Variants in PHC3 observed in about 807,000 individuals in gnomAD.
PHC3 encodes the protein polyhomeotic homolog 3.
PHC3 carries 13 observed loss-of-function variants against 107.4 expected under a neutral mutation model. The ratio of observed to expected loss-of-function variants is 0.12; its 90% CI spans 0.08 to 0.19. The LOEUF (loss-of-function observed/expected upper bound fraction) is 0.19, where lower values mean the gene tolerates loss of function less well. Ranked by LOEUF, PHC3 falls within the 10% of genes least tolerant of loss-of-function variation. PHC3 has a pLI of 1.00. For synonymous variants in PHC3, 456 were observed against 427.4 expected (o/e 1.07, Z -0.83); for missense variants, 992 against 1,210.9 (o/e 0.82, Z 2.68).
Position 170,097,451 on chromosome 3 carries a change from TCA to T in PHC3, c.2834-69_2834-68del. 1 of 1,483,226 alleles carries T rather than the reference TCA, an allele frequency of 6.7e-7. No individual in the cohort carries two copies. Among genetic ancestry groups the T allele is most frequent in the Non-Finnish European group, 9.1e-7 (1 of 1,093,876 alleles). The allele number at this position is 1,483,226 out of a possible 1,614,324, so 91.9% of individuals were successfully genotyped here. ...AACAATTAGACATTACTCCTAACAG[TCA>T]CAGTTATGCTCTCACTGGGTCTGAG... On this transcript the variant is annotated intron_variant, in intron 14 of 14. Transcript: ENST00000495893. This position sits in a 1 kb window ranked among gnomAD's most constrained non-coding sequence, Gnocchi z 4.1.
At chr3:170,151,923 T>C (rs1163318916) in intron 4 of PHC3, among the ~76,000 whole-genome samples, 1 of 152,182 alleles carries the variant, frequency 6.6e-6, no homozygotes, top group South Asian at 2.1e-4. Flanking sequence ...GTGAAGTTTA[T>C]ATAGGAGGAC....
At chr3:170,181,096 G>T (rs1731327713) in intron 1 of PHC3, among the ~76,000 whole-genome samples, 1 of 152,236 alleles carries the variant, frequency 6.6e-6, no homozygotes, top group African/African-American at 2.4e-5. Context: ...TGCACCCAGA[G>T]AATCGAGGGA....
At chr3:170,153,731 C>G (rs1174122480) in intron 4 of PHC3, among the ~76,000 whole-genome samples, 4 of 151,158 alleles carry the variant, frequency 2.6e-5, no homozygotes, top group Non-Finnish European at 5.9e-5. Flanking sequence ...CCACTGCACT[C>G]CAGCCTGGGT....
Position 170,178,952 on chromosome 3 carries a change from C to A in PHC3, c.15-14G>T, listed in dbSNP as rs1294041123. ...TGGTCCTTAAATCTGGCAGGTCACA[C>A]AAAGTGTTTGTATTGGTAAAAGCAT... is the stretch of plus-strand genomic sequence containing the variant. On this transcript the variant is annotated splice_polypyrimidine_tract_variant and intron_variant, in intron 1 of 14. Transcript: ENST00000495893. The A allele has an allele frequency of 2.5e-6, 4 of 1,606,136 alleles. No individual in the cohort carries two copies. The highest frequency in any genetic ancestry group is 3.4e-6 in the Non-Finnish European group (4 of 1,175,090).
At chr3:170,101,649 A>T (rs1009068364) in intron 14 of PHC3, among the ~76,000 whole-genome samples, 10 of 152,156 alleles carry the variant, frequency 6.6e-5, no homozygotes, top group African/African-American at 2.2e-4. Context: ...TTACTGATTT[A>T]AAAAAGTATA....
intron 4 of PHC3, among the ~76,000 whole-genome samples, chr3:170,161,116 A>G (rs1358610208): frequency 6.6e-6 from 1 of 152,208 alleles, no homozygotes; most frequent in Admixed American, 6.5e-5. Flanking sequence ...GGGCACATGT[A>G]TTTTTATAAC....
chr3:170,171,552 C>T, intron 3 of PHC3, 102 bp from the exon 4 acceptor site: 2 of 777,486 alleles, frequency 2.6e-6, no homozygotes, highest in East Asian at 3.0e-5. Context: ...GTCAAAAGGC[C>T]TATGTATGAA....
At chr3:170,115,528 T>C (rs1718747533) in intron 10 of PHC3, among the ~76,000 whole-genome samples, 1 of 152,112 alleles carries the variant, frequency 6.6e-6, no homozygotes, top group South Asian at 2.1e-4. Context: ...CATAAACATA[T>C]TGTGGTATTA....
chr3:170,172,820 CATA>C, intron 2 of PHC3, 108 bp from the exon 3 acceptor site: 1 of 1,073,968 alleles, frequency 9.3e-7, no homozygotes, highest in Non-Finnish European at 1.4e-6. Context: ...TGCTTTAATA[CATA>C]ATATCATCAA....
intron 2 of PHC3, among the ~76,000 whole-genome samples, chr3:170,176,273 T>C (rs890723345): frequency 1.3e-5 from 2 of 151,858 alleles, no homozygotes; most frequent in African/African-American, 4.8e-5. Context: ...CTGTATCCCT[T>C]ACCTCAGAGA....
intron 10 of PHC3, among the ~76,000 whole-genome samples, chr3:170,116,604 T>C (rs900458292): frequency 1.3e-5 from 2 of 151,674 alleles, no homozygotes; most frequent in Admixed American, 1.3e-4. Flanking sequence ...AAAATAGTAG[T>C]ACACTTCAGC....
chr3:170,171,316 T>C (rs1729550481), intron 4 of PHC3, 57 bp downstream of exon 4: 4 of 1,276,148 alleles, frequency 3.1e-6, no homozygotes, highest in South Asian at 2.8e-5. Flanking sequence ...CAGTTTACTT[T>C]TGGAAAACAA....
intron 4 of PHC3, among the ~76,000 whole-genome samples, chr3:170,159,461 A>C (rs1727499058): frequency 6.6e-6 from 1 of 152,082 alleles, no homozygotes; most frequent in Non-Finnish European, 1.5e-5. Context: ...TCCCACACAC[A>C]AAAAAAGGCA....
chr3:170,109,613 G>A (rs1048012301), intron 11 of PHC3, among the ~76,000 whole-genome samples: 5 of 152,056 alleles, frequency 3.3e-5, no homozygotes, highest in Non-Finnish European at 7.4e-5. Context: ...CTGGCATGAG[G>A]GGAAGTTATT....
intron 14 of PHC3, chr3:170,102,112 G>A (rs1179962604): frequency 1.0e-6 from 1 of 966,918 alleles, no homozygotes; most frequent in Non-Finnish European, 1.2e-6. Context: ...AGGAAATAAG[G>A]AGGAATAGAA....
intron 4 of PHC3, among the ~76,000 whole-genome samples, chr3:170,161,960 C>T (rs946182970): frequency 2.6e-5 from 4 of 152,180 alleles, no homozygotes; most frequent in Non-Finnish European, 5.9e-5. Flanking sequence ...ATATGGGGGA[C>T]ATAATTCAGT....
rs563262257 is a variant in PHC3 at position 170,177,489 on chromosome 3, C to T, written c.180+1284G>A. The stretch of plus-strand genomic sequence containing the variant: ...TCAAGTGATACTCCTGCCTCAGCCT[C>T]CCAAGTAGCTGGGATTACAGGTATG... On this transcript the variant is annotated intron_variant, in intron 2 of 14. Transcript: ENST00000495893. Among the ~76,000 whole-genome samples, 7 of 152,158 alleles carry T rather than the reference C, an allele frequency of 4.6e-5. No individual in the cohort carries two copies. The East Asian group carries it at 1.4e-3, about 29-fold the overall frequency.
chr3:170,140,593 T>C (rs1185872006), intron 6 of PHC3, among the ~76,000 whole-genome samples: 4 of 124,206 alleles, frequency 3.2e-5, no homozygotes, highest in Admixed American at 7.9e-5. Context: ...TCTTTTTTTT[T>C]TTTTTTTTTT....
At chr3:170,137,087 G>T (rs1466630571) in intron 6 of PHC3, among the ~76,000 whole-genome samples, 1 of 152,106 alleles carries the variant, frequency 6.6e-6, no homozygotes, top group East Asian at 1.9e-4. Flanking sequence ...GCATTTAAAA[G>T]TTACCAGTTC....
Sources: allele counts gnomAD v4.1 joint callset (sites outside exome capture counted in the v4.1 genomes callset), GRCh38; gene constraint gnomAD v4.1.1; non-coding constraint Gnocchi (gnomAD v3.1); transcripts MANE v1.5; gene names NCBI Gene and HGNC (gene_info 2026-07-23, HGNC 2026-07-21).